USP15: variants seen among roughly 807,000 people sequenced by gnomAD.
USP15 encodes ubiquitin specific peptidase 15, also known as ubiquitin carboxyl-terminal hydrolase 15.
USP15 carries 18 observed loss-of-function variants against 127.1 expected under a neutral mutation model. The observed-to-expected ratio is 0.14, with a 90% CI of 0.10 to 0.21. The LOEUF (loss-of-function observed/expected upper bound fraction) is 0.21. Ranked by LOEUF, USP15 falls within the 10% of genes least tolerant of loss-of-function variation. The pLI is 1.00. For missense variants in USP15, 805 were observed against 1,159.9 expected (o/e 0.69, Z 4.44); for synonymous variants, 364 against 393.7 (o/e 0.92, Z 0.89).
intron 6 of USP15, among the ~76,000 whole-genome samples, chr12:62,346,301 T>A (rs1333742140): frequency 1.3e-5 from 2 of 152,216 alleles, no homozygotes; most frequent in African/African-American, 4.8e-5. Flanking sequence ...AGTGAAACTT[T>A]TTTACTGTGA....
chr12:62,384,370 A>G, intron 11 of USP15, 68 bp downstream of exon 11: 1 of 1,199,492 alleles, frequency 8.3e-7, no homozygotes, highest in East Asian at 2.6e-5. Flanking sequence ...TTATTAAAAA[A>G]TTAGTGTTGA....
At chr12:62,286,245 A>G (rs1296968050) in intron 1 of USP15, among the ~76,000 whole-genome samples, 1 of 152,204 alleles carries the variant, frequency 6.6e-6, no homozygotes, top group Non-Finnish European at 1.5e-5. Context: ...TCTCCAAAGA[A>G]CACATACAGA....
intron 8 of USP15, among the ~76,000 whole-genome samples, chr12:62,360,812 T>C (rs1027977099): frequency 1.3e-5 from 2 of 152,060 alleles, no homozygotes; most frequent in Non-Finnish European, 2.9e-5. Flanking sequence ...CTAGGTCAGG[T>C]TTTCATCCTA....
At chr12:62,368,622 G>A (rs369039428) in intron 8 of USP15, among the ~76,000 whole-genome samples, 25 of 152,120 alleles carry the variant, frequency 1.6e-4, no homozygotes, top group Middle Eastern at 3.4e-3. Context: ...CAAAGATTAC[G>A]CAACCCCTGC....
Position 62,407,314 on chromosome 12 carries a change from A to C in USP15, c.*2939A>C, listed in dbSNP as rs574439398. 1 of 152,306 alleles carries C rather than the reference A, an allele frequency of 6.6e-6. No homozygotes were observed. The highest frequency in any genetic ancestry group is 2.4e-5 in the African/African-American group (1 of 41,564). The allele number at this position is 152,306 out of a possible 1,614,324, so 9.4% of individuals were successfully genotyped here. Reference sequence around the variant, plus strand: ...TGCTATGGGGTAGAGCCAATATTCTATCCTCAGATATATACTACCTCTCAC... The same window carrying C: ...TGCTATGGGGTAGAGCCAATATTCTCTCCTCAGATATATACTACCTCTCAC... On this transcript the variant is annotated 3_prime_UTR_variant, in exon 22 of 22. Transcript: ENST00000280377.
Position 62,391,169 on chromosome 12 carries a change from C to G in USP15, c.1973C>G (p.Thr658Arg). 1.9e-6 allele frequency: 3 copies of G among 1,610,930 alleles called. No homozygotes were observed. Among genetic ancestry groups the G allele is most frequent in the Non-Finnish European group, 2.5e-6 (3 of 1,179,186 alleles). Reference sequence around the variant, plus strand: ...TATCTAAAATTAGGTGAAATGGAAACAGATGAGCCAGATGATGAATCCAGC... The same window carrying G: ...TATCTAAAATTAGGTGAAATGGAAAGAGATGAGCCAGATGATGAATCCAGC... ...HEEGSPSEME[T>R]DEPDDESSQD... Residue 658 changes from threonine to arginine, a missense_variant, in exon 16 of 22, where the codon ACA becomes AGA. Physicochemically the swap from Thr to Arg is moderately conservative, Grantham distance 71. Transcript: ENST00000280377.
chr12:62,395,165 T>G (rs2067448465), intron 19 of USP15, among the ~76,000 whole-genome samples: 1 of 152,152 alleles, frequency 6.6e-6, no homozygotes, highest in South Asian at 2.1e-4. Context: ...TCCTGTATTT[T>G]TCTTCATATA....
chr12:62,361,227 T>C (rs571546415), intron 8 of USP15, among the ~76,000 whole-genome samples: 19 of 152,214 alleles, frequency 1.2e-4, no homozygotes, highest in Non-Finnish European at 2.5e-4. Flanking sequence ...GTAACTTGGC[T>C]AATAATGATT....
chr12:62,355,721 A>C (rs1425701338), intron 8 of USP15, among the ~76,000 whole-genome samples: 1 of 151,804 alleles, frequency 6.6e-6, no homozygotes, highest in Admixed American at 6.6e-5. Context: ...GCAAAAATAT[A>C]ATATCAGACA....
chr12:62,337,105 T>C (rs1449659052), intron 6 of USP15, among the ~76,000 whole-genome samples: 1 of 152,200 alleles, frequency 6.6e-6, no homozygotes, highest in East Asian at 1.9e-4. Context: ...GAGAAACGCC[T>C]AAGTATTGGG....
chr12:62,350,458 A>G (rs1464308025), intron 7 of USP15, among the ~76,000 whole-genome samples: 9 of 152,176 alleles, frequency 5.9e-5, no homozygotes, highest in South Asian at 2.1e-4. Context: ...TGGAATTTTA[A>G]ATCCAAGATA....
chr12:62,265,043 T>C (rs2063160667), intron 1 of USP15, among the ~76,000 whole-genome samples: 1 of 152,194 alleles, frequency 6.6e-6, no homozygotes, highest in Non-Finnish European at 1.5e-5. Flanking sequence ...TTTTCTTAAT[T>C]TAAGCCTTTT....
chr12:62,374,383 G>A (rs987826393), intron 8 of USP15: 12 of 985,442 alleles, frequency 1.2e-5, no homozygotes, highest in African/African-American at 1.7e-5. Flanking sequence ...TTTCTTTCCT[G>A]TTCTAGTTAC....
At chr12:62,335,836 A>G (rs2065444791) in intron 6 of USP15, 21 of 985,226 alleles carry the variant, frequency 2.1e-5, no homozygotes, top group Non-Finnish European at 2.5e-5. Flanking sequence ...TGTCTTTAGT[A>G]TTTCTTTTTG....
At position 62,390,010 on chromosome 12, in the gene USP15, A is replaced by G. The variant is rs1565908920; in HGVS notation, c.1844+22A>G. 6 of 1,542,722 alleles carry G rather than the reference A, an allele frequency of 3.9e-6. No individual in the cohort carries two copies. In the South Asian group the frequency reaches 6.2e-5, roughly 16 times the overall value. ...TGTGGTAAGTGCCAGACAATTCTAC[A>G]TTGACAAAATAAATATGGGAATAAA... is the stretch of plus-strand genomic sequence containing the variant. On this transcript the variant is annotated intron_variant, in intron 14 of 21. Coordinates refer to ENST00000280377, the MANE Select transcript of USP15 (RefSeq NM_001252078.2).
chr12:62,294,881 A>G (rs991208807), intron 2 of USP15, among the ~76,000 whole-genome samples: 3 of 152,162 alleles, frequency 2.0e-5, no homozygotes, highest in Admixed American at 6.5e-5. Flanking sequence ...GGTTCTCAAA[A>G]CACTGTGTAT....
At chr12:62,299,354 A>G (rs1353822551) in intron 2 of USP15, among the ~76,000 whole-genome samples, 2 of 152,110 alleles carry the variant, frequency 1.3e-5, no homozygotes, top group Non-Finnish European at 2.9e-5. Flanking sequence ...CAGGTGATCC[A>G]TCCGCCTCAG....
intron 1 of USP15, among the ~76,000 whole-genome samples, chr12:62,291,936 G>C: frequency 6.6e-6 from 1 of 152,188 alleles, no homozygotes; most frequent in East Asian, 1.9e-4. Flanking sequence ...GGGTTGTGCA[G>C]TTCATCTCCA....
intron 1 of USP15, among the ~76,000 whole-genome samples, chr12:62,263,189 C>CT (rs1247035921): frequency 1.3e-5 from 2 of 151,940 alleles, no homozygotes; most frequent in African/African-American, 2.4e-5. Context: ...CTTTTAATAT[C>CT]TTTTTTTAAT....
Sources: gnomAD v4.1 joint callset for allele counts (sites outside exome capture counted in the v4.1 genomes callset) on GRCh38, gnomAD v4.1.1 for gene constraint, MANE v1.5 for transcripts, NCBI Gene and HGNC (gene_info 2026-07-23, HGNC 2026-07-21) for gene names.